The following SEMA6D variants were observed in gnomAD, a reference collection of about 807,000 sequenced individuals.
SEMA6D encodes the protein semaphorin-6D.
A neutral mutation model predicts 106.6 loss-of-function variants in SEMA6D; 35 were observed. That is an observed-to-expected ratio of 0.33 (90% CI 0.25 to 0.44). The LOEUF (loss-of-function observed/expected upper bound fraction) is 0.44, where lower values mean the gene tolerates loss of function less well. Ranked by LOEUF, SEMA6D falls within the 20% of genes least tolerant of loss-of-function variation. The pLI, the probability that SEMA6D is intolerant of heterozygous loss-of-function variation, is 1.00. For missense variants in SEMA6D, 1,185 were observed against 1,345.9 expected, an observed-to-expected ratio of 0.88 and a Z score of 1.87; for synonymous variants, 499 against 487.7, an observed-to-expected ratio of 1.02 and a Z score of -0.31.
At chr15:47,618,655 C>G (rs2077047955) in intron 4 of SEMA6D, among the ~76,000 whole-genome samples, 1 of 152,128 alleles carries the variant, frequency 6.6e-6, no homozygotes, top group Non-Finnish European at 1.5e-5. Flanking sequence ...TTGACCTTTG[C>G]CACCTCTCTG....
chr15:47,562,774 T>G (rs551518298), intron 3 of SEMA6D, among the ~76,000 whole-genome samples: 3 of 152,290 alleles, frequency 2.0e-5, no homozygotes, highest in Admixed American at 1.3e-4. Context: ...TTTTTTAGTT[T>G]CTTAAAAACT....
intron 1 of SEMA6D, among the ~76,000 whole-genome samples, chr15:47,271,445 C>A (rs2034560632): frequency 6.6e-6 from 1 of 152,062 alleles, no homozygotes; most frequent in Admixed American, 6.6e-5. Context: ...TTGGGGGATT[C>A]TTAACCATCT....
chr15:47,407,895 C>G (rs2040649425), intron 1 of SEMA6D, among the ~76,000 whole-genome samples: 1 of 152,138 alleles, frequency 6.6e-6, no homozygotes, highest in Non-Finnish European at 1.5e-5. Flanking sequence ...GCGCCCTCAC[C>G]CCTTCTCCCT....
At position 47,763,112 on chromosome 15, in the gene SEMA6D, T is replaced by A; in HGVS notation, c.747+8T>A. 1 of 1,604,476 alleles carries A rather than the reference T, an allele frequency of 6.2e-7. No individual in the cohort carries two copies. Among genetic ancestry groups the A allele is most frequent in the Non-Finnish European group, 8.5e-7 (1 of 1,172,860 alleles). ...CATAATAATTTAGGCAAGGCAAGTA[T>A]ATGCATTTGGCTTGAATTGTGGACT... On this transcript the variant is annotated splice_region_variant and intron_variant, in intron 9 of 18. Coordinates refer to ENST00000536845, the MANE Select transcript of SEMA6D (RefSeq NM_001358351.3).
At chr15:47,276,584 A>G (rs1222508086) in intron 1 of SEMA6D, among the ~76,000 whole-genome samples, 3 of 152,164 alleles carry the variant, frequency 2.0e-5, no homozygotes, top group East Asian at 1.9e-4. Context: ...GTTTTAGCGA[A>G]TATTTTAAGA....
intron 1 of SEMA6D, among the ~76,000 whole-genome samples, chr15:47,247,520 G>T (rs2033272578): frequency 6.6e-6 from 1 of 152,026 alleles, no homozygotes; most frequent in South Asian, 2.1e-4. Flanking sequence ...AAGAAAATAT[G>T]ATTTTACATG....
chr15:47,389,100 A>G (rs1231131731), intron 1 of SEMA6D, among the ~76,000 whole-genome samples: 2 of 152,254 alleles, frequency 1.3e-5, no homozygotes, highest in African/African-American at 4.8e-5. Context: ...TCTGTTCCAC[A>G]GACACAGTGA....
chr15:47,228,068 GA>G (rs2031915535), intron 1 of SEMA6D, among the ~76,000 whole-genome samples: 1 of 133,740 alleles, frequency 7.5e-6, no homozygotes. Context: ...TTATATATAA[GA>G]ATTCAAGAAA....
rs1364540802 is a variant in SEMA6D, at chr15:47,722,275, C to G, written c.-55+4583C>G. Among the ~76,000 whole-genome samples the G allele has an allele frequency of 3.3e-5, 5 of 152,280 alleles. No individual in the cohort carries two copies. In the East Asian group the frequency reaches 9.7e-4, roughly 29 times the overall value. On this transcript the variant is annotated intron_variant, in intron 1 of 18. Coordinates refer to ENST00000536845, the MANE Select transcript of SEMA6D (RefSeq NM_001358351.3). ...CATCTTACACCTTCAGAACTTGAGT[C>G]TACTTGAAAAGGGGAAGAAAGGAAT...
At chr15:47,241,326 T>C (rs1401129830) in intron 1 of SEMA6D, 1 of 152,060 alleles carries the variant, frequency 6.6e-6, no homozygotes, top group Middle Eastern at 3.2e-3. Flanking sequence ...ACGACCGAAA[T>C]CAAAAGAAGG....
At chr15:47,401,106 T>C (rs1377985920) in intron 1 of SEMA6D, among the ~76,000 whole-genome samples, 3 of 152,222 alleles carry the variant, frequency 2.0e-5, no homozygotes, top group Admixed American at 1.3e-4. Context: ...AAGTAGCTTA[T>C]TTAAAATACT....
chr15:47,636,501 A>G (rs953992932), intron 4 of SEMA6D, among the ~76,000 whole-genome samples: 2 of 152,110 alleles, frequency 1.3e-5, no homozygotes, highest in African/African-American at 2.4e-5. Flanking sequence ...TTCCTACCCC[A>G]AGCTTCTCAT....
At chr15:47,214,613 A>C (rs1168541626) in intron 1 of SEMA6D, among the ~76,000 whole-genome samples, 1 of 152,204 alleles carries the variant, frequency 6.6e-6, no homozygotes, top group East Asian at 1.9e-4. Flanking sequence ...ACTTATGGGC[A>C]GAAGAAAATT....
At chr15:47,607,147 A>G (rs1259977543) in intron 4 of SEMA6D, among the ~76,000 whole-genome samples, 1 of 152,214 alleles carries the variant, frequency 6.6e-6, no homozygotes, top group Non-Finnish European at 1.5e-5. Flanking sequence ...GGATCTAGGA[A>G]TATGTTTAGT....
intron 4 of SEMA6D, among the ~76,000 whole-genome samples, chr15:47,645,497 G>C (rs1402034956): frequency 6.6e-6 from 1 of 151,994 alleles, no homozygotes; most frequent in Non-Finnish European, 1.5e-5. Flanking sequence ...CAAAAACAAA[G>C]TTGGAGTTTT....
intron 1 of SEMA6D, among the ~76,000 whole-genome samples, chr15:47,304,433 TA>T (rs56185341): frequency 8.5e-5 from 8 of 93,836 alleles, no homozygotes; most frequent in African/African-American, 3.7e-4. Flanking sequence ...GCCTTCTAAC[TA>T]AAAAAAAAAA....
At chr15:47,262,476 A>G (rs1237680960) in intron 1 of SEMA6D, among the ~76,000 whole-genome samples, 3 of 152,068 alleles carry the variant, frequency 2.0e-5, no homozygotes, top group Admixed American at 6.6e-5. Flanking sequence ...AGGGCTGAGC[A>G]AAGGGGGAAG....
At chr15:47,700,267 TCAA>T (rs1174031644) in intron 4 of SEMA6D, among the ~76,000 whole-genome samples, 1 of 152,182 alleles carries the variant, frequency 6.6e-6, no homozygotes, top group Non-Finnish European at 1.5e-5. Flanking sequence ...TTTGTAAACA[TCAA>T]CAAACTGATT....
At chr15:47,247,620 T>TTATC (rs369293307) in intron 1 of SEMA6D, among the ~76,000 whole-genome samples, 4 of 152,230 alleles carry the variant, frequency 2.6e-5, no homozygotes, top group Non-Finnish European at 4.4e-5. Flanking sequence ...ATTTGTTTTC[T>TTATC]TATCTATCTA....
Sources: gnomAD v4.1 joint callset for allele counts (sites outside exome capture counted in the v4.1 genomes callset) on GRCh38, gnomAD v4.1.1 for gene constraint, MANE v1.5 for transcripts, NCBI Gene and HGNC (gene_info 2026-07-23, HGNC 2026-07-21) for gene names.